NKD1: variants seen among roughly 807,000 people sequenced by gnomAD.
NKD1 encodes protein naked cuticle homolog 1.
NKD1 carries 21 observed loss-of-function variants against 56.0 expected under a neutral mutation model. The observed-to-expected ratio is 0.38, with a 90% CI of 0.27 to 0.54. The LOEUF is 0.54. NKD1 is among the 20% of genes least tolerant of loss of function. The probability of loss-of-function intolerance (pLI) is 0.82; values close to 1 mark genes in which losing one functional copy is unlikely to be tolerated. For synonymous variants in NKD1, 263 were observed against 265.7 expected (o/e 0.99, Z 0.10); for missense variants, 578 against 642.7 (o/e 0.90, Z 1.09).
intron 6 of NKD1, among the ~76,000 whole-genome samples, chr16:50,629,125 A>G (rs1427321331): frequency 6.6e-6 from 1 of 151,880 alleles, no homozygotes; most frequent in East Asian, 1.9e-4. Flanking sequence ...ACCACCACAC[A>G]TGGCTATTTT....
In NKD1 at chr16:50,598,445, C is replaced by T. The variant is rs1488985348; in HGVS notation, c.193-9849C>T. ...GCTTCTTGGGTCCCCAAGCCCCTTC[C>T]CTGGGCAGGAGCACACATCCTTTCC... On this transcript the variant is annotated intron_variant, in intron 3 of 9. Transcript: ENST00000268459. The surrounding 1 kb of genome is among the most constrained non-coding windows in gnomAD (Gnocchi z 4.2). Among the ~76,000 whole-genome samples the T allele has an allele frequency of 1.3e-5, 2 of 152,170 alleles. No individual in the cohort carries two copies. The highest frequency in any genetic ancestry group is 2.4e-5 in the African/African-American group (1 of 41,444).
chr16:50,638,914 C>T lies in NKD1; in HGVS notation c.*5133C>T, dbSNP rs1962524769. On this transcript the variant is annotated 3_prime_UTR_variant, in exon 10 of 10. Coordinates refer to ENST00000268459, the MANE Select transcript of NKD1 (RefSeq NM_033119.5). ...ACTGTCTCCCACAAAGTAGAAGAAT[C>T]CTGGTACATTTAGCCCATGAGCCTG... 6.6e-6 allele frequency: 1 copy of T among 152,228 alleles called. No homozygotes were observed. The highest frequency in any genetic ancestry group is 2.4e-5 in the African/African-American group (1 of 41,448). 9.4% of individuals were successfully genotyped at this position (152,228 alleles called of 1,614,324 possible).
At chr16:50,586,637 G>C (rs945187458) in intron 3 of NKD1, among the ~76,000 whole-genome samples, 1 of 152,208 alleles carries the variant, frequency 6.6e-6, no homozygotes, top group Non-Finnish European at 1.5e-5. Context: ...CCCACCTTCT[G>C]GTTCCCAGTA....
rs140589227 is a variant in NKD1 at position 50,608,300 on chromosome 16, G to A, written c.199G>A (p.Val67Met). 1.4e-5 allele frequency: 23 copies of A among 1,612,684 alleles called. No homozygotes were observed. The highest frequency in any genetic ancestry group is 8.0e-5 in the African/African-American group (6 of 74,896). Residue 67 changes from valine to methionine, a missense_variant, in exon 4 of 10, where the codon GTG (valine) becomes ATG (methionine). Coordinates refer to ENST00000268459, the MANE Select transcript of NKD1 (RefSeq NM_033119.5). Reference sequence around the variant, plus strand: ...CTGCTCTGTCTTCTTGTAGGAGCTCGTGGGCGACGTGTTGAGAGACACGCT... The same window carrying A: ...CTGCTCTGTCTTCTTGTAGGAGCTCATGGGCGACGTGTTGAGAGACACGCT... The part of the protein sequence containing the change: ...GTIGRSTREL[V>M]GDVLRDTLSE...
At chr16:50,591,310 G>A (rs1193034303) in intron 3 of NKD1, among the ~76,000 whole-genome samples, 1 of 152,206 alleles carries the variant, frequency 6.6e-6, no homozygotes, top group Non-Finnish European at 1.5e-5. Flanking sequence ...AGGGTGTCTG[G>A]CGCTGGGAGG....
chr16:50,600,234 C>A (rs188809352), intron 3 of NKD1, among the ~76,000 whole-genome samples: 1 of 151,264 alleles, frequency 6.6e-6, no homozygotes, highest in East Asian at 1.9e-4. Context: ...CTTAAAAAAA[C>A]AAAACAAAAC....
In NKD1 at chr16:50,633,313, G is replaced by A. The variant is rs151120369; in HGVS notation, c.945G>A (p.Pro315=). 2.7e-4 allele frequency: 437 copies of A among 1,613,924 alleles called. 3 individuals carry two copies. The highest frequency in any genetic ancestry group is 1.6e-4 in the Middle Eastern group (1 of 6,080). Residue 315 remains proline, a synonymous_variant, in exon 10 of 10, where the codon CCG becomes CCA. Transcript: ENST00000268459. This position sits in a 1 kb window ranked among gnomAD's most constrained non-coding sequence, Gnocchi z 4.9. ...IPHRKPQGVD[P]ASFHFLDTPI... is the part of the protein sequence containing the mutation. ...ACCGAAAGCCCCAAGGCGTGGACCC[G>A]GCCTCCTTCCACTTCCTTGACACCC...
intron 3 of NKD1, among the ~76,000 whole-genome samples, chr16:50,577,967 ATTC>A (rs1319049347): frequency 3.3e-5 from 5 of 152,122 alleles, no homozygotes; most frequent in Non-Finnish European, 7.4e-5. Context: ...TGACCCATGT[ATTC>A]TTCTTTCTTT....
At position 50,616,219 on chromosome 16, in the gene NKD1, T is replaced by C. The variant is rs556979810; in HGVS notation, c.260-5383T>C. ...GGCTTGTGTTAAATCTTACATTGTA[T>C]TCACTGAGAAGAACTTGCCAGGTAA... On this transcript the variant is annotated intron_variant, in intron 4 of 9. Transcript: ENST00000268459. 112 of 363,850 alleles carry C rather than the reference T, an allele frequency of 3.1e-4. 1 individual carries two copies. The highest frequency in any genetic ancestry group is 2.2e-3 in the African/African-American group (106 of 48,140). The allele number at this position is 363,850 out of a possible 1,614,324, so 22.5% of individuals were successfully genotyped here. A position where few individuals can be genotyped will look rare whatever the true frequency, so the allele number is the denominator to read the frequency against.
rs567868601 is a variant in NKD1 at position 50,636,121 on chromosome 16, A to C, written c.*2340A>C. On this transcript the variant is annotated 3_prime_UTR_variant, in exon 10 of 10. Transcript: ENST00000268459. Reference sequence around the variant, plus strand: ...GCTTCGATCTGGTACCCATAGCTGGACCAATCATGACATCCCAGATGGGGT... The same window carrying C: ...GCTTCGATCTGGTACCCATAGCTGGCCCAATCATGACATCCCAGATGGGGT... 2 of 152,268 alleles carry C rather than the reference A, an allele frequency of 1.3e-5. No individual in the cohort carries two copies. Among genetic ancestry groups the C allele is most frequent in the Non-Finnish European group, 2.9e-5 (2 of 68,110 alleles). 9.4% of individuals were successfully genotyped at this position (152,268 alleles called of 1,614,324 possible). A position where few individuals can be genotyped will look rare whatever the true frequency, so the allele number is the denominator to read the frequency against.
At chr16:50,550,828 G>C (rs978956484) in intron 3 of NKD1, among the ~76,000 whole-genome samples, 1 of 152,172 alleles carries the variant, frequency 6.6e-6, no homozygotes, top group African/African-American at 2.4e-5. Context: ...ATGAACAAAT[G>C]CATTTACAGC....
rs1962708424 is a variant in NKD1 at position 50,647,807 on chromosome 16, G to T, written c.*14026G>T. 6.6e-6 allele frequency: 1 copy of T among 152,214 alleles called. No homozygotes were observed. Among genetic ancestry groups the T allele is most frequent in the South Asian group, 2.1e-4 (1 of 4,832 alleles). 9.4% of individuals were successfully genotyped at this position (152,214 alleles called of 1,614,324 possible). On this transcript the variant is annotated 3_prime_UTR_variant, in exon 10 of 10. Coordinates refer to ENST00000268459, the MANE Select transcript of NKD1 (RefSeq NM_033119.5). ...GTGTCTGTTACTTGGGGTTCCTGTT[G>T]CTTAGAGTTGAAAGCATCATAACCC...
intron 3 of NKD1, among the ~76,000 whole-genome samples, chr16:50,577,960 C>T (rs573676858): frequency 1.1e-4 from 16 of 152,288 alleles, no homozygotes; most frequent in African/African-American, 3.9e-4. Context: ...ATTTTCTTGA[C>T]CCATGTATTC....
intron 5 of NKD1, among the ~76,000 whole-genome samples, chr16:50,624,575 C>G (rs1314514746): frequency 1.3e-5 from 2 of 152,216 alleles, no homozygotes; most frequent in Admixed American, 1.3e-4. Flanking sequence ...ATAAGCAGAC[C>G]TGACCACATG....
chr16:50,592,513 C>T (rs763037100), intron 3 of NKD1, among the ~76,000 whole-genome samples: 56 of 152,188 alleles, frequency 3.7e-4, no homozygotes, highest in Non-Finnish European at 7.2e-4. Context: ...TGTCGTTTTC[C>T]AGGCACCATG....
At chr16:50,557,332 G>C (rs1449616047) in intron 3 of NKD1, 2 of 152,186 alleles carry the variant, frequency 1.3e-5, no homozygotes, top group Non-Finnish European at 1.5e-5. Context: ...TGTGCTTAGG[G>C]TGTTGTGGAA....
Position 50,647,097 on chromosome 16 carries a change from T to C in NKD1, c.*13316T>C, listed in dbSNP as rs1387886188. ...AGCTCTTTCTTTTCACTATATTACA[T>C]ATCTACAGTGGTAGAGTCATACTAG... On this transcript the variant is annotated 3_prime_UTR_variant, in exon 10 of 10. Coordinates refer to ENST00000268459, the MANE Select transcript of NKD1 (RefSeq NM_033119.5). 6.6e-6 allele frequency: 1 copy of C among 152,220 alleles called. No homozygotes were observed. The highest frequency in any genetic ancestry group is 1.5e-5 in the Non-Finnish European group (1 of 68,034). 9.4% of individuals were successfully genotyped at this position (152,220 alleles called of 1,614,324 possible).
chr16:50,579,645 C>T (rs112290246), intron 3 of NKD1, among the ~76,000 whole-genome samples: 4 of 137,648 alleles, frequency 2.9e-5, no homozygotes, highest in Middle Eastern at 3.7e-3. Flanking sequence ...CTTACTCCTG[C>T]GGGGTACCCG....
Position 50,630,610 on chromosome 16 carries a change from G to T in NKD1, c.611-216G>T, listed in dbSNP as rs35245475. On this transcript the variant is annotated intron_variant, in intron 7 of 9. Coordinates refer to ENST00000268459, the MANE Select transcript of NKD1 (RefSeq NM_033119.5). Reference sequence around the variant, plus strand: ...GCGTCTGCAAGCCTTGAGGCCAGCTGGAAGGAGGTGAGGCTGGAGGGGGAG... The same window carrying T: ...GCGTCTGCAAGCCTTGAGGCCAGCTTGAAGGAGGTGAGGCTGGAGGGGGAG... 9.1e-3 allele frequency among the ~76,000 whole-genome samples: 1,383 copies of T among 152,196 alleles called. 22 individuals are homozygous for T. Among genetic ancestry groups the T allele is most frequent in the African/African-American group, 0.032 (1,336 of 41,480 alleles).
Sources: gnomAD v4.1 joint callset for allele counts (sites outside exome capture counted in the v4.1 genomes callset) on GRCh38, gnomAD v4.1.1 for gene constraint, Gnocchi (gnomAD v3.1) non-coding constraint, MANE v1.5 for transcripts, NCBI Gene and HGNC (gene_info 2026-07-23, HGNC 2026-07-21) for gene names.